Variants in ADAMTS16 observed in about 807,000 individuals in gnomAD.
ADAMTS16 encodes ADAM metallopeptidase with thrombospondin type 1 motif 16.
Under a neutral mutation model 145.8 loss-of-function variants are expected in ADAMTS16, and 94 were observed. That is an observed-to-expected ratio of 0.64 (90% CI 0.55 to 0.77). ADAMTS16 has a LOEUF of 0.77. Ranked by LOEUF, ADAMTS16 falls within the 30% of genes least tolerant of loss-of-function variation. The pLI, the probability that ADAMTS16 is intolerant of heterozygous loss-of-function variation, is 0.00. For missense variants in ADAMTS16, 1,585 were observed against 1,591.5 expected, an observed-to-expected ratio of 1.00 and a Z score of 0.07; for synonymous variants, 659 against 604.3, an observed-to-expected ratio of 1.09 and a Z score of -1.33.
intron 3 of ADAMTS16, among the ~76,000 whole-genome samples, chr5:5,150,786 A>T (rs1734432213): frequency 6.6e-6 from 1 of 152,206 alleles, no homozygotes; most frequent in Non-Finnish European, 1.5e-5. Context: ...ATAGGTTGAC[A>T]GTTTTTTGTT....
At chr5:5,175,781 T>C (rs1002785948) in intron 3 of ADAMTS16, among the ~76,000 whole-genome samples, 5 of 152,260 alleles carry the variant, frequency 3.3e-5, no homozygotes, top group African/African-American at 9.6e-5. Context: ...CTTTCCACTG[T>C]GATAGGGCAG....
intron 17 of ADAMTS16, 145 bp downstream of exon 17, chr5:5,242,336 T>A: frequency 8.7e-7 from 1 of 1,148,636 alleles, no homozygotes; most frequent in Non-Finnish European, 1.2e-6. Context: ...TGGGGAGTGG[T>A]GGTCCTGAGT....
At chr5:5,240,483 GACA>G (rs1256218468) in intron 16 of ADAMTS16, among the ~76,000 whole-genome samples, 1 of 152,226 alleles carries the variant, frequency 6.6e-6, no homozygotes, top group Non-Finnish European at 1.5e-5. Flanking sequence ...GTCAGATTCT[GACA>G]ACACCATCCT....
intron 3 of ADAMTS16, among the ~76,000 whole-genome samples, chr5:5,170,909 T>C (rs1191623598): frequency 6.6e-6 from 1 of 152,200 alleles, no homozygotes; most frequent in African/African-American, 2.4e-5. Flanking sequence ...CCTGTACTTA[T>C]GAGGTATATT....
chr5:5,250,521 A>T (rs76484686), intron 17 of ADAMTS16, among the ~76,000 whole-genome samples: 4,162 of 152,274 alleles, frequency 0.027, 224 homozygotes, highest in African/African-American at 0.096. Context: ...CTCTTTAGTA[A>T]CCCAACCATG....
chr5:5,229,450 G>A (rs189287760), intron 11 of ADAMTS16, among the ~76,000 whole-genome samples: 52 of 152,238 alleles, frequency 3.4e-4, no homozygotes, highest in Admixed American at 2.0e-3. Flanking sequence ...TCCTTTGTTC[G>A]GTGTACTCTG....
At chr5:5,184,173 G>C (rs1364869436) in intron 4 of ADAMTS16, among the ~76,000 whole-genome samples, 1 of 152,112 alleles carries the variant, frequency 6.6e-6, no homozygotes, top group Non-Finnish European at 1.5e-5. Context: ...CCTGCTCATG[G>C]ACGCACCCCC....
intron 17 of ADAMTS16, among the ~76,000 whole-genome samples, chr5:5,246,551 T>C (rs1560966962): frequency 1.3e-5 from 2 of 152,226 alleles, no homozygotes; most frequent in Non-Finnish European, 2.9e-5. Context: ...AGTCAGCATA[T>C]GCTTGGGTGT....
At position 5,186,064 on chromosome 5, in the gene ADAMTS16, C is replaced by T. The variant is rs1465866475; in HGVS notation, c.776C>T (p.Pro259Leu). The T allele has an allele frequency of 1.2e-6, 2 of 1,613,132 alleles. No homozygotes were observed. The highest frequency in any genetic ancestry group is 1.7e-6 in the Non-Finnish European group (2 of 1,179,832). Residue 259 changes from proline (P) to leucine (L), a missense_variant, in exon 5 of 23, where the codon CCT (proline) becomes CTT (leucine). By Grantham distance (98) the Pro-to-Leu change is moderately conservative. This residue lies in a region of ADAMTS16 where 453 missense variants were observed against 412.1 expected (regional missense o/e 1.10). Transcript: ENST00000274181. ...CGRRKKYMPQ[P>L]PKEDLFILPD... ...TGTCCCTCCATAGACATGCCCCAGC[C>T]TCCCAAGGAAGACCTCTTCATCTTG... is the stretch of plus-strand genomic sequence containing the variant.
intron 8 of ADAMTS16, among the ~76,000 whole-genome samples, chr5:5,194,211 A>C (rs943192544): frequency 1.3e-5 from 2 of 152,198 alleles, no homozygotes; most frequent in African/African-American, 2.4e-5. Context: ...GACTTCTTCA[A>C]GTTCTCTGAG....
chr5:5,193,375 G>A (rs979520588), intron 8 of ADAMTS16, among the ~76,000 whole-genome samples: 5 of 152,146 alleles, frequency 3.3e-5, no homozygotes, highest in African/African-American at 1.2e-4. Flanking sequence ...ACTTTATAAA[G>A]CTTTCAGTTG....
chr5:5,158,664 C>T (rs1734664076), intron 3 of ADAMTS16, among the ~76,000 whole-genome samples: 1 of 152,096 alleles, frequency 6.6e-6, no homozygotes, highest in African/African-American at 2.4e-5. Flanking sequence ...AGTCACTTTT[C>T]TAGTTACAGA....
intron 18 of ADAMTS16, among the ~76,000 whole-genome samples, chr5:5,272,672 ATTT>A (rs1369744240): frequency 6.6e-6 from 1 of 152,032 alleles, no homozygotes; most frequent in Non-Finnish European, 1.5e-5. Context: ...GCCCCAAAGG[ATTT>A]TTAACAAGGG....
At chr5:5,184,413 C>T (rs1207096106) in intron 4 of ADAMTS16, among the ~76,000 whole-genome samples, 1 of 152,142 alleles carries the variant, frequency 6.6e-6, no homozygotes. Context: ...CCTGTGCCAT[C>T]TGTGCATCGA....
chr5:5,177,553 A>C (rs1295060941), intron 3 of ADAMTS16, among the ~76,000 whole-genome samples: 1 of 152,198 alleles, frequency 6.6e-6, no homozygotes, highest in Non-Finnish European at 1.5e-5. Context: ...TTTTTTTTCA[A>C]GATATCACAT....
At chr5:5,203,251 C>G (rs554318303) in intron 9 of ADAMTS16, among the ~76,000 whole-genome samples, 1 of 152,144 alleles carries the variant, frequency 6.6e-6, no homozygotes, top group Non-Finnish European at 1.5e-5. Flanking sequence ...TCATTTTACT[C>G]GAAAACCAGT....
intron 8 of ADAMTS16, among the ~76,000 whole-genome samples, chr5:5,199,566 G>C (rs1735901261): frequency 6.6e-6 from 1 of 152,218 alleles, no homozygotes; most frequent in African/African-American, 2.4e-5. Flanking sequence ...AATAGTTTGA[G>C]ATGGAACATC....
At chr5:5,181,901 T>C in intron 3 of ADAMTS16, 143 bp from the exon 4 acceptor site, 2 of 950,482 alleles carry the variant, frequency 2.1e-6, no homozygotes, top group Non-Finnish European at 3.1e-6. Flanking sequence ...CCGGGGTTTT[T>C]GAACCTTTCC....
At chr5:5,225,471 C>A (rs1035995451) in intron 11 of ADAMTS16, among the ~76,000 whole-genome samples, 1 of 152,024 alleles carries the variant, frequency 6.6e-6, no homozygotes, top group East Asian at 1.9e-4. Context: ...GGCGTTGTGG[C>A]GCATGCCTGT....
Sources: gnomAD v4.1 joint callset for allele counts (sites outside exome capture counted in the v4.1 genomes callset) on GRCh38, gnomAD v4.1.1 for gene constraint, gnomAD v4.1.1 regional missense constraint, MANE v1.5 for transcripts, NCBI Gene and HGNC (gene_info 2026-07-23, HGNC 2026-07-21) for gene names.